Variants in TRHDE observed in about 807,000 individuals in gnomAD.
The protein encoded by TRHDE is thyrotropin-releasing hormone-degrading ectoenzyme.
Under a neutral mutation model 125.7 loss-of-function variants are expected in TRHDE, and 72 were observed. The observed-to-expected ratio is 0.57, with a 90% CI of 0.47 to 0.70. The LOEUF (loss-of-function observed/expected upper bound fraction) is 0.70, where lower values mean the gene tolerates loss of function less well. Ranked by LOEUF, TRHDE falls within the 30% of genes least tolerant of loss-of-function variation. The probability of loss-of-function intolerance (pLI) is 0.00; values close to 1 mark genes in which losing one functional copy is unlikely to be tolerated. For missense variants in TRHDE, 1,110 were observed against 1,327.1 expected, an observed-to-expected ratio of 0.84 and a Z score of 2.54; for synonymous variants, 509 against 509.1, an observed-to-expected ratio of 1.00 and a Z score of 0.00.
intron 3 of TRHDE, among the ~76,000 whole-genome samples, chr12:72,414,699 A>T (rs1873657507): frequency 6.6e-6 from 1 of 152,098 alleles, no homozygotes; most frequent in African/African-American, 2.4e-5. Flanking sequence ...TTTCATTTGT[A>T]TAGTGTTTCA....
chr12:72,191,810 A>G (rs1877346701), intron 2 of TRHDE, among the ~76,000 whole-genome samples: 1 of 152,312 alleles, frequency 6.6e-6, no homozygotes, highest in South Asian at 2.1e-4. Context: ...AAAAGTGTAA[A>G]CAAGCCTTAA....
chr12:72,175,194 T>TATTGAATTGAATATGA (rs1263830479), intron 2 of TRHDE, among the ~76,000 whole-genome samples: 1 of 152,238 alleles, frequency 6.6e-6, no homozygotes. Context: ...TTCAATTCTT[T>TATTGAATTGAATATGA]GCTTCTATGA....
intron 9 of TRHDE, among the ~76,000 whole-genome samples, chr12:72,564,653 A>ATTTTTTTTTT (rs538823843): frequency 0.01 from 553 of 54,308 alleles, 123 homozygotes; most frequent in Non-Finnish European, 0.015. Flanking sequence ...ATGCGTATGA[A>ATTTTTTTTTT]TTTTTTTTTT....
intron 2 of TRHDE, among the ~76,000 whole-genome samples, chr12:72,198,932 GGAGA>G (rs111453106): frequency 2.4e-3 from 355 of 147,204 alleles, no homozygotes; most frequent in East Asian, 8.0e-3. Flanking sequence ...TGGTGAAGCA[GGAGA>G]GAGAGAGAGA....
chr12:72,210,272 G>A (rs1384478138), intron 2 of TRHDE, among the ~76,000 whole-genome samples: 1 of 151,920 alleles, frequency 6.6e-6, no homozygotes. Context: ...GACATTAAAA[G>A]TTTTAGTAAC....
chr12:72,240,710 C>T (rs900201915), intron 2 of TRHDE, among the ~76,000 whole-genome samples: 5 of 151,950 alleles, frequency 3.3e-5, no homozygotes, highest in Admixed American at 6.6e-5. Flanking sequence ...GCTGGGACTA[C>T]AGGCGCCCAC....
chr12:72,518,698 C>G (rs543092483), intron 6 of TRHDE, among the ~76,000 whole-genome samples: 2,090 of 151,996 alleles, frequency 0.014, 46 homozygotes, highest in African/African-American at 0.048. Flanking sequence ...ATGATGTTAG[C>G]TGGTTATTTT....
intron 2 of TRHDE, among the ~76,000 whole-genome samples, chr12:72,324,599 C>T (rs989714738): frequency 6.6e-5 from 10 of 152,196 alleles, no homozygotes; most frequent in African/African-American, 2.4e-4. Context: ...GTTCAGACTC[C>T]AGCAGATACA....
At chr12:72,443,719 G>A (rs1181698752) in intron 3 of TRHDE, among the ~76,000 whole-genome samples, 4 of 151,684 alleles carry the variant, frequency 2.6e-5, no homozygotes, top group Non-Finnish European at 4.4e-5. Flanking sequence ...TGCTGCTATG[G>A]ATCCTTTCTA....
chr12:72,439,909 C>CT (rs1592446110), intron 3 of TRHDE, among the ~76,000 whole-genome samples: 2 of 151,736 alleles, frequency 1.3e-5, no homozygotes, highest in Non-Finnish European at 2.9e-5. Flanking sequence ...CATATATAGT[C>CT]TTTGTTTTGT....
At chr12:72,655,536 C>T (rs1323052096) in intron 17 of TRHDE, among the ~76,000 whole-genome samples, 1 of 152,118 alleles carries the variant, frequency 6.6e-6, no homozygotes, top group Non-Finnish European at 1.5e-5. Flanking sequence ...CTCTCAGAAG[C>T]CATTCCCAAG....
intron 1 of TRHDE, among the ~76,000 whole-genome samples, chr12:72,088,551 A>G (rs1874719166): frequency 6.6e-6 from 1 of 151,934 alleles, no homozygotes; most frequent in Admixed American, 6.6e-5. Flanking sequence ...TCTAAATAAA[A>G]TCCAGGCTAT....
rs144445261 is a variant in TRHDE, at chr12:72,133,052, C to T, written n.279+27300C>T. 1.2e-4 allele frequency among the ~76,000 whole-genome samples: 19 copies of T among 152,230 alleles called. No individual in the cohort carries two copies. The East Asian group carries it at 2.1e-3, about 17-fold the overall frequency. On this transcript the variant is annotated intron_variant and non_coding_transcript_variant, in intron 2 of 4. Coordinates refer to the TRHDE transcript ENST00000548156. ...GTGGTGTAAGATGAGTCTGCAGAAT[C>T]GGTGCCATGATGAAGAATATGAATT...
At chr12:72,226,174 A>G (rs749319732) in intron 2 of TRHDE, among the ~76,000 whole-genome samples, 25 of 152,210 alleles carry the variant, frequency 1.6e-4, no homozygotes, top group Non-Finnish European at 2.6e-4. Context: ...ACGGGTCTTT[A>G]TAAGCTTCTG....
intron 2 of TRHDE, among the ~76,000 whole-genome samples, chr12:72,363,177 G>A (rs527860623): frequency 8.6e-5 from 13 of 151,616 alleles, no homozygotes; most frequent in East Asian, 3.9e-4. Context: ...ATTCACAGCC[G>A]AATTCTACCA....
chr12:72,383,846 T>C (rs1488522406), intron 3 of TRHDE, among the ~76,000 whole-genome samples: 1 of 152,130 alleles, frequency 6.6e-6, no homozygotes, highest in Non-Finnish European at 1.5e-5. Context: ...TCCAAAATCT[T>C]GGGATTCGGC....
chr12:72,458,549 C>T (rs1334965904), intron 3 of TRHDE, among the ~76,000 whole-genome samples: 1 of 152,094 alleles, frequency 6.6e-6, no homozygotes, highest in Non-Finnish European at 1.5e-5. Context: ...TTGATGACTT[C>T]TTAAATCTTT....
intron 2 of TRHDE, among the ~76,000 whole-genome samples, chr12:72,374,294 T>G (rs12313040): frequency 0.026 from 1,152 of 44,030 alleles, 9 homozygotes; most frequent in African/African-American, 0.15. Flanking sequence ...GAAGGAGAAG[T>G]GTGTGTGTGT....
At chr12:72,633,521 C>T (rs1873585101) in intron 15 of TRHDE, among the ~76,000 whole-genome samples, 1 of 152,024 alleles carries the variant, frequency 6.6e-6, no homozygotes, top group African/African-American at 2.4e-5. Flanking sequence ...AGTGGGAATG[C>T]AAATGCTGTT....
Sources: allele counts gnomAD v4.1 joint callset (sites outside exome capture counted in the v4.1 genomes callset), GRCh38; gene constraint gnomAD v4.1.1; transcripts MANE v1.5; gene names NCBI Gene and HGNC (gene_info 2026-07-23, HGNC 2026-07-21).